FAM168A: variants seen among roughly 807,000 people sequenced by gnomAD.
The protein encoded by FAM168A is family with sequence similarity 168 member A.
Under a neutral mutation model 28.5 loss-of-function variants are expected in FAM168A, and 3 were observed. That is an observed-to-expected ratio of 0.11 (90% CI 0.05 to 0.27). The LOEUF (loss-of-function observed/expected upper bound fraction) is 0.27, where lower values mean the gene tolerates loss of function less well. Ranked by LOEUF, FAM168A falls within the 10% of genes least tolerant of loss-of-function variation. The probability of loss-of-function intolerance (pLI) is 1.00; values close to 1 mark genes in which losing one functional copy is unlikely to be tolerated. For missense variants in FAM168A, 222 were observed against 311.5 expected (o/e 0.71, Z 2.16); for synonymous variants, 122 against 124.2 (o/e 0.98, Z 0.12).
At chr11:73,553,771 T>C (rs1280294959) in intron 1 of FAM168A, among the ~76,000 whole-genome samples, 4 of 148,492 alleles carry the variant, frequency 2.7e-5, no homozygotes, top group African/African-American at 9.9e-5. Context: ...GGATTGAGCC[T>C]AGGAGTTCAA....
rs1866387672 is a variant in FAM168A at position 73,400,609 on chromosome 11, A to G, written c.*6154T>C. On this transcript the variant is annotated 3_prime_UTR_variant, in exon 8 of 8. Transcript: ENST00000356467. ...CTGAAGTTGCCACTTAAAGCTCCCC[A>G]GCAGCTGTGAGACCCTTAGGGCAGA... is the stretch of plus-strand genomic sequence containing the variant. 1.3e-5 allele frequency: 2 copies of G among 152,230 alleles called. No homozygotes were observed. The highest frequency in any genetic ancestry group is 4.8e-5 in the African/African-American group (2 of 41,452). The allele number at this position is 152,230 out of a possible 1,614,324, so 9.4% of individuals were successfully genotyped here.
chr11:73,512,458 T>C (rs1855244078), intron 1 of FAM168A, among the ~76,000 whole-genome samples: 1 of 152,140 alleles, frequency 6.6e-6, no homozygotes, highest in Non-Finnish European at 1.5e-5. Flanking sequence ...TTGAGGGTGA[T>C]GAAAATATTC....
intron 1 of FAM168A, among the ~76,000 whole-genome samples, chr11:73,508,549 A>T (rs1169971913): frequency 6.6e-6 from 1 of 152,008 alleles, no homozygotes; most frequent in South Asian, 2.1e-4. Context: ...GCGTGCGTGC[A>T]TGCGTGGGTG....
chr11:73,540,954 T>C (rs1347941832), intron 1 of FAM168A, among the ~76,000 whole-genome samples: 2 of 152,050 alleles, frequency 1.3e-5, no homozygotes, highest in African/African-American at 4.8e-5. Flanking sequence ...CCAGTAATCC[T>C]AGCACTTTGG....
intron 1 of FAM168A, among the ~76,000 whole-genome samples, chr11:73,580,935 T>C (rs1383248899): frequency 6.6e-6 from 1 of 152,230 alleles, no homozygotes; most frequent in Non-Finnish European, 1.5e-5. Context: ...CCCCTAATCA[T>C]TGGTTACCAG....
chr11:73,526,688 G>C (rs1943451289), intron 1 of FAM168A, among the ~76,000 whole-genome samples: 1 of 152,024 alleles, frequency 6.6e-6, no homozygotes, highest in Non-Finnish European at 1.5e-5. Flanking sequence ...ATCGCTTATT[G>C]TTGGCTAAAC....
intron 6 of FAM168A, among the ~76,000 whole-genome samples, chr11:73,407,872 C>T (rs574695053): frequency 1.6e-4 from 25 of 152,292 alleles, no homozygotes; most frequent in African/African-American, 5.8e-4. Context: ...TCTAAGTCCT[C>T]CTTTTCCTTT....
chr11:73,426,703 C>CTGTGTG (rs34499254), intron 3 of FAM168A, among the ~76,000 whole-genome samples: 3,829 of 144,272 alleles, frequency 0.027, 168 homozygotes, highest in African/African-American at 0.091. Context: ...CCAAAATATG[C>CTGTGTG]TGTGTGTGTG....
intron 1 of FAM168A, among the ~76,000 whole-genome samples, chr11:73,562,176 C>G (rs1006104755): frequency 2.0e-5 from 3 of 152,174 alleles, no homozygotes; most frequent in Non-Finnish European, 4.4e-5. Context: ...CTCCTGACTT[C>G]GTGATCCGCC....
At chr11:73,519,604 G>A (rs1380075635) in intron 1 of FAM168A, among the ~76,000 whole-genome samples, 1 of 152,158 alleles carries the variant, frequency 6.6e-6, no homozygotes, top group African/African-American at 2.4e-5. Context: ...TAACAGAGGA[G>A]TAGTTAGCCA....
intron 1 of FAM168A, among the ~76,000 whole-genome samples, chr11:73,550,651 T>C (rs1438822653): frequency 6.6e-6 from 1 of 151,810 alleles, no homozygotes; most frequent in East Asian, 1.9e-4. Context: ...TCAGACTCTG[T>C]CTCAAAAATA....
At chr11:73,422,563 G>C (rs1866811920) in intron 3 of FAM168A, among the ~76,000 whole-genome samples, 2 of 152,188 alleles carry the variant, frequency 1.3e-5, no homozygotes, top group South Asian at 4.1e-4. Flanking sequence ...GTGGGATGAA[G>C]ACAATCCCAA....
intron 1 of FAM168A, among the ~76,000 whole-genome samples, chr11:73,543,464 T>C (rs1943683234): frequency 1.3e-5 from 2 of 152,244 alleles, no homozygotes; most frequent in South Asian, 4.1e-4. Context: ...TTTCGCCATG[T>C]TGGCCAGGCT....
intron 1 of FAM168A, among the ~76,000 whole-genome samples, chr11:73,474,106 G>A (rs890210907): frequency 2.0e-5 from 3 of 151,840 alleles, no homozygotes; most frequent in African/African-American, 4.8e-5. Context: ...CACCGTGCCC[G>A]GCTTACTCTT....
At chr11:73,487,305 G>T (rs577535784) in intron 1 of FAM168A, among the ~76,000 whole-genome samples, 2 of 152,136 alleles carry the variant, frequency 1.3e-5, no homozygotes, top group Non-Finnish European at 2.9e-5. Context: ...GTGAAATCTG[G>T]CTGTCTCATA....
At chr11:73,460,719 G>T (rs895529020) in intron 2 of FAM168A, among the ~76,000 whole-genome samples, 1 of 151,904 alleles carries the variant, frequency 6.6e-6, no homozygotes, top group African/African-American at 2.4e-5. Flanking sequence ...GGCCAGGCTG[G>T]TCTCGAACTC....
chr11:73,478,972 T>A (rs993392502), intron 1 of FAM168A, among the ~76,000 whole-genome samples: 1 of 152,212 alleles, frequency 6.6e-6, no homozygotes, highest in Non-Finnish European at 1.5e-5. Context: ...ATTTCCCAAC[T>A]TTCCCAGGAA....
intron 2 of FAM168A, among the ~76,000 whole-genome samples, chr11:73,443,214 T>C (rs1202774772): frequency 6.6e-6 from 1 of 151,976 alleles, no homozygotes; most frequent in Non-Finnish European, 1.5e-5. Flanking sequence ...GAATTATGTA[T>C]ACATTAAATG....
intron 1 of FAM168A, among the ~76,000 whole-genome samples, chr11:73,488,285 C>T (rs973103856): frequency 6.6e-6 from 1 of 151,884 alleles, no homozygotes; most frequent in South Asian, 2.1e-4. Flanking sequence ...CGCCTGCCAC[C>T]GTACTTGGCT....
Sources: gnomAD v4.1 joint callset for allele counts (sites outside exome capture counted in the v4.1 genomes callset) on GRCh38, gnomAD v4.1.1 for gene constraint, MANE v1.5 for transcripts, NCBI Gene and HGNC (gene_info 2026-07-23, HGNC 2026-07-21) for gene names.